The following DLG2 variants were observed in gnomAD, a reference collection of about 807,000 sequenced individuals.
The protein encoded by DLG2 is discs large MAGUK scaffold protein 2, also known as disks large homolog 2.
A neutral mutation model predicts 132.5 loss-of-function variants in DLG2; 45 were observed. The ratio of observed to expected loss-of-function variants is 0.34; its 90% CI spans 0.27 to 0.44. The LOEUF is 0.44. Ranked by LOEUF, DLG2 falls within the 20% of genes least tolerant of loss-of-function variation. The probability of loss-of-function intolerance (pLI) is 1.00; values close to 1 mark genes in which losing one functional copy is unlikely to be tolerated. For missense variants in DLG2, 1,045 were observed against 1,196.9 expected (o/e 0.87, Z 1.87); for synonymous variants, 424 against 419.6 (o/e 1.01, Z -0.13).
chr11:84,566,822 A>G (rs1481975249), intron 6 of DLG2, among the ~76,000 whole-genome samples: 1 of 152,170 alleles, frequency 6.6e-6, no homozygotes, highest in Non-Finnish European at 1.5e-5. Flanking sequence ...TTTTTTAAAA[A>G]CTGTACTATA....
intron 17 of DLG2, among the ~76,000 whole-genome samples, chr11:83,811,853 A>G (rs2047377068): frequency 6.6e-6 from 1 of 152,176 alleles, no homozygotes; most frequent in African/African-American, 2.4e-5. Flanking sequence ...GGAAACTAGT[A>G]TAACAGAGAG....
intron 18 of DLG2, among the ~76,000 whole-genome samples, chr11:83,645,174 TC>T: frequency 6.6e-6 from 1 of 152,168 alleles, no homozygotes; most frequent in Middle Eastern, 3.4e-3. Context: ...TGTCCAAGGT[TC>T]CCTCAGGTTT....
chr11:83,861,500 T>C (rs1364961829), intron 16 of DLG2, among the ~76,000 whole-genome samples: 1 of 152,080 alleles, frequency 6.6e-6, no homozygotes, highest in South Asian at 2.1e-4. Context: ...AACAGATGAA[T>C]GATAAAGAAA....
intron 11 of DLG2, among the ~76,000 whole-genome samples, chr11:83,993,035 G>T (rs1289973794): frequency 6.6e-6 from 1 of 152,128 alleles, no homozygotes; most frequent in Non-Finnish European, 1.5e-5. Flanking sequence ...TAATAGCACT[G>T]TTCTAGGTTT....
chr11:85,281,825 G>A (rs580188), intron 4 of DLG2, among the ~76,000 whole-genome samples: 122,779 of 151,910 alleles, frequency 0.81, 50,350 homozygotes, highest in Non-Finnish European at 0.89. Context: ...TAAACTTAGA[G>A]CTGCCATATG....
chr11:85,359,579 C>A (rs187022907), intron 3 of DLG2, among the ~76,000 whole-genome samples: 10 of 152,132 alleles, frequency 6.6e-5, no homozygotes, highest in African/African-American at 2.4e-4. Flanking sequence ...GGCTCTTGCC[C>A]TTAAGCACCT....
At chr11:85,442,726 A>T (rs554195291) in intron 3 of DLG2, among the ~76,000 whole-genome samples, 21 of 151,760 alleles carry the variant, frequency 1.4e-4, no homozygotes, top group South Asian at 8.3e-4. Flanking sequence ...AAAATAAATT[A>T]AAAAAAATAG....
intron 19 of DLG2, among the ~76,000 whole-genome samples, chr11:83,620,112 T>G (rs1160482494): frequency 2.6e-5 from 4 of 152,150 alleles, no homozygotes; most frequent in Non-Finnish European, 5.9e-5. Context: ...TATATAAAAG[T>G]ATGGAATCCT....
chr11:85,258,215 T>A (rs1446594162), intron 4 of DLG2, among the ~76,000 whole-genome samples: 1 of 152,206 alleles, frequency 6.6e-6, no homozygotes, highest in Non-Finnish European at 1.5e-5. Context: ...TGTAGAAATA[T>A]CAAATATGAT....
At chr11:83,916,204 T>C (rs1274778095) in intron 15 of DLG2, among the ~76,000 whole-genome samples, 1 of 152,220 alleles carries the variant, frequency 6.6e-6, no homozygotes, top group Non-Finnish European at 1.5e-5. Context: ...AATGCTGCTA[T>C]GAACATTTGT....
At chr11:84,716,242 A>AT (rs557540823) in intron 6 of DLG2, among the ~76,000 whole-genome samples, 41 of 151,792 alleles carry the variant, frequency 2.7e-4, no homozygotes, top group South Asian at 1.9e-3. Flanking sequence ...TCCCTTGTGC[A>AT]TTTTTTTTAA....
At chr11:85,070,252 T>C (rs1314304557) in intron 6 of DLG2, among the ~76,000 whole-genome samples, 3 of 151,662 alleles carry the variant, frequency 2.0e-5, no homozygotes, top group East Asian at 2.0e-4. Flanking sequence ...TGTATACATA[T>C]GTAACAAACC....
chr11:84,451,167 TGGCCTCTTC>T (rs2099050550), intron 7 of DLG2, among the ~76,000 whole-genome samples: 1 of 151,952 alleles, frequency 6.6e-6, no homozygotes. Context: ...TTCATTTGCA[TGGCCTCTTC>T]TTTCATTATA....
chr11:84,418,873 A>C (rs1211429745), intron 7 of DLG2, among the ~76,000 whole-genome samples: 2 of 152,130 alleles, frequency 1.3e-5, no homozygotes, highest in Non-Finnish European at 2.9e-5. Flanking sequence ...CTTTATAATC[A>C]GTTAATTTTC....
intron 4 of DLG2, among the ~76,000 whole-genome samples, chr11:85,256,916 T>G (rs930082350): frequency 1.3e-5 from 2 of 152,218 alleles, no homozygotes; most frequent in African/African-American, 4.8e-5. Flanking sequence ...TATAGAATGT[T>G]GTATAATTAT....
At chr11:84,945,157 G>A (rs1374012566) in intron 6 of DLG2, among the ~76,000 whole-genome samples, 1 of 152,168 alleles carries the variant, frequency 6.6e-6, no homozygotes, top group Non-Finnish European at 1.5e-5. Context: ...TACAGCCTGG[G>A]CTTATTTGTA....
At chr11:85,166,349 T>C (rs2078443012) in intron 4 of DLG2, among the ~76,000 whole-genome samples, 2 of 152,150 alleles carry the variant, frequency 1.3e-5, no homozygotes, top group African/African-American at 4.8e-5. Context: ...ACATTTTCAA[T>C]TGCATGCTTG....
At chr11:85,269,374 T>G (rs139451978) in intron 4 of DLG2, among the ~76,000 whole-genome samples, 67 of 152,324 alleles carry the variant, frequency 4.4e-4, no homozygotes, top group Non-Finnish European at 8.7e-4. Context: ...TCAAATTAAA[T>G]GCTACATAAG....
At chr11:84,193,131 C>G (rs994678131) in intron 8 of DLG2, among the ~76,000 whole-genome samples, 2 of 152,160 alleles carry the variant, frequency 1.3e-5, no homozygotes, top group Non-Finnish European at 2.9e-5. Context: ...ACTGGGATAT[C>G]TATTTGACAT....
Sources: gnomAD v4.1 joint callset for allele counts (sites outside exome capture counted in the v4.1 genomes callset) on GRCh38, gnomAD v4.1.1 for gene constraint, MANE v1.5 for transcripts, NCBI Gene and HGNC (gene_info 2026-07-23, HGNC 2026-07-21) for gene names.